UGT1A7: variants seen among roughly 807,000 people sequenced by gnomAD.
UGT1A7 encodes the protein UDP-glucuronosyltransferase 1A7.
UGT1A7 carries 33 observed loss-of-function variants against 45.6 expected under a neutral mutation model. That is an observed-to-expected ratio of 0.72 (90% confidence interval 0.55 to 0.97). UGT1A7 has a LOEUF of 0.97. UGT1A7 is among the 50% of genes least tolerant of loss of function. The probability of loss-of-function intolerance (pLI) is 0.00; values close to 1 mark genes in which losing one functional copy is unlikely to be tolerated. For synonymous variants in UGT1A7, 274 were observed against 250.6 expected, an observed-to-expected ratio of 1.09 and a Z score of -0.88; for missense variants, 684 against 666.2, an observed-to-expected ratio of 1.03 and a Z score of -0.29.
Position 233,767,908 on chromosome 2 carries a change from T to G in UGT1A7, c.1047T>G (p.Val349=). 6.2e-7 allele frequency: 1 copy of G among 1,614,222 alleles called. No homozygotes were observed. The highest frequency in any genetic ancestry group is 8.5e-7 in the Non-Finnish European group (1 of 1,180,050). ...PSNLANNTIL[V]KWLPQNDLLG... is the part of the protein sequence containing the mutation. ...ATCTTGCGAACAACACGATACTTGTTAAGTGGCTACCCCAAAACGATCTGC... is the reference window on the plus strand; with the variant it reads ...ATCTTGCGAACAACACGATACTTGTGAAGTGGCTACCCCAAAACGATCTGC... The change falls in exon 3 of 5, where the codon GTT becomes GTG. Residue 349 remains valine (V), a synonymous_variant. Transcript: ENST00000373426.
chr2:233,689,372 G>A (rs2074939613), intron 1 of UGT1A7, among the ~76,000 whole-genome samples: 1 of 152,256 alleles, frequency 6.6e-6, no homozygotes, highest in Non-Finnish European at 1.5e-5. Context: ...AGGGCACAAA[G>A]CAAGGAGTGT....
intron 1 of UGT1A7, among the ~76,000 whole-genome samples, chr2:233,739,223 T>C (rs1465216859): frequency 3.3e-5 from 5 of 152,316 alleles, no homozygotes; most frequent in African/African-American, 4.8e-5. Context: ...AGAGTCCTTA[T>C]AGAGAACCTC....
chr2:233,695,126 T>TTTTG (rs1559347637), intron 1 of UGT1A7, among the ~76,000 whole-genome samples: 1 of 107,354 alleles, frequency 9.3e-6, no homozygotes, highest in Non-Finnish European at 1.9e-5. Flanking sequence ...AACCCTTTTC[T>TTTTG]TTTCTTTTTT....
intron 1 of UGT1A7, among the ~76,000 whole-genome samples, chr2:233,757,931 A>G (rs552433381): frequency 6.6e-6 from 1 of 152,244 alleles, no homozygotes; most frequent in East Asian, 1.9e-4. Flanking sequence ...CCCCCAAAGC[A>G]AGACCATCAT....
intron 1 of UGT1A7, chr2:233,761,099 A>G: frequency 5.0e-6 from 8 of 1,614,170 alleles, no homozygotes; most frequent in African/African-American, 1.3e-5. Context: ...ATCATGCCCA[A>G]TATGGTTTTT....
At position 233,713,972 on chromosome 2, in the gene UGT1A7, C is replaced by T. The variant is rs191784973; in HGVS notation, c.855+31180C>T. On this transcript the variant is annotated intron_variant, in intron 1 of 4. Transcript: ENST00000373426. ...TATCTTTCCAAAGATTTCATTTCTG[C>T]TTCTCATTGTTGTAATAGTCTTCAG... 1.3e-3 allele frequency: 2,084 copies of T among 1,599,986 alleles called. 2 individuals carry two copies. Among genetic ancestry groups the T allele is most frequent in the Non-Finnish European group, 1.6e-3 (1,935 of 1,173,724 alleles).
intron 1 of UGT1A7, among the ~76,000 whole-genome samples, chr2:233,750,204 T>G: frequency 6.6e-6 from 1 of 151,878 alleles, no homozygotes; most frequent in East Asian, 1.9e-4. Context: ...AAGTCCAGGC[T>G]GAGTCTCAGA....
At chr2:233,702,598 G>A (rs546581826) in intron 1 of UGT1A7, among the ~76,000 whole-genome samples, 2 of 152,156 alleles carry the variant, frequency 1.3e-5, no homozygotes, top group South Asian at 4.1e-4. Context: ...GAGATTTTTT[G>A]AGTAGATGCC....
chr2:233,721,861 C>G, intron 1 of UGT1A7: 1 of 507,540 alleles, frequency 2.0e-6, no homozygotes, highest in South Asian at 1.4e-5. Context: ...CTGCTCGGCC[C>G]TGGGCACACT....
intron 4 of UGT1A7, 68 bp from the exon 5 acceptor site, chr2:233,772,194 T>G (rs921300076): frequency 1.9e-6 from 3 of 1,602,000 alleles, no homozygotes; most frequent in African/African-American, 2.7e-5. Context: ...TAAGCAGCCA[T>G]GAGCATAAAG....
At position 233,734,224 on chromosome 2, in the gene UGT1A7, G is replaced by T. The variant is rs1427177623; in HGVS notation, c.856-32810G>T. ...AGAGCCTGTTGTTGGTCTATTCAGAGATTCAACTTCTTCCTGCTTTAGTCT... is the reference window on the plus strand; with the variant it reads ...AGAGCCTGTTGTTGGTCTATTCAGATATTCAACTTCTTCCTGCTTTAGTCT... On this transcript the variant is annotated intron_variant, in intron 1 of 4. Coordinates refer to ENST00000373426, the MANE Select transcript of UGT1A7 (RefSeq NM_019077.3). 2.6e-5 allele frequency among the ~76,000 whole-genome samples: 4 copies of T among 152,156 alleles called. No individual in the cohort carries two copies. The East Asian group carries it at 5.8e-4, about 22-fold the overall frequency.
rs1559415650 is a variant in UGT1A7, at chr2:233,768,355, A to G, written c.1211A>G (p.Lys404Arg). ...GACAATGCAAAGCGCATGGAGACTA[A>G]GGGAGCTGGAGTGACCCTGAATGTT... is the stretch of plus-strand genomic sequence containing the variant. The part of the protein sequence containing the change: ...QMDNAKRMET[K>R]GAGVTLNVLE... The change falls in exon 4 of 5, where the codon AAG becomes AGG. Residue 404 changes from lysine to arginine, a missense_variant. Coordinates refer to ENST00000373426, the MANE Select transcript of UGT1A7 (RefSeq NM_019077.3). The G allele has an allele frequency of 6.2e-7, 1 of 1,614,200 alleles. No individual in the cohort carries two copies. The highest frequency in any genetic ancestry group is 1.1e-5 in the South Asian group (1 of 91,084).
At chr2:233,746,807 G>C (rs1340541444) in intron 1 of UGT1A7, among the ~76,000 whole-genome samples, 4 of 151,778 alleles carry the variant, frequency 2.6e-5, no homozygotes, top group Admixed American at 2.0e-4. Flanking sequence ...CGTGAATGTG[G>C]ATTGCCTACT....
chr2:233,713,012 T>A lies in UGT1A7; in HGVS notation c.855+30220T>A, dbSNP rs748010470. The A allele has an allele frequency of 6.2e-6, 10 of 1,613,498 alleles. No individual in the cohort carries two copies. In the Admixed American group the frequency reaches 1.5e-4, roughly 24 times the overall value. ...CTGAGATGGCCACAGGACTCCAGGT[T>A]CCCCTGCCGCAGCTGGCCACAGGAC... On this transcript the variant is annotated intron_variant, in intron 1 of 4. Transcript: ENST00000373426.
chr2:233,747,645 T>G, intron 1 of UGT1A7: 1 of 1,586,272 alleles, frequency 6.3e-7, no homozygotes, highest in Non-Finnish European at 8.7e-7. Context: ...GAATGCTACT[T>G]CCTTCGATGT....
intron 1 of UGT1A7, among the ~76,000 whole-genome samples, chr2:233,697,329 T>C (rs545927444): frequency 6.6e-6 from 1 of 152,134 alleles, no homozygotes; most frequent in Non-Finnish European, 1.5e-5. Flanking sequence ...TTTGGAAATG[T>C]ATCCATTTCC....
At position 233,724,792 on chromosome 2, in the gene UGT1A7, G is replaced by C. The variant is rs992945436; in HGVS notation, c.855+42000G>C. ...CAGAGACACTCCTCACTTCCCAGAC[G>C]GGGTGGCGGCCGGGCAGAGGCTGCA... On this transcript the variant is annotated intron_variant, in intron 1 of 4. Coordinates refer to ENST00000373426, the MANE Select transcript of UGT1A7 (RefSeq NM_019077.3). Among the ~76,000 whole-genome samples, 142 of 140,766 alleles carry C rather than the reference G, an allele frequency of 1.0e-3. 5 individuals are homozygous for C. Among genetic ancestry groups the C allele is most frequent in the African/African-American group, 3.7e-3 (136 of 36,304 alleles). 92.3% of individuals were successfully genotyped at this position (140,766 alleles called of 152,430 possible).
At chr2:233,737,218 C>T (rs1437644428) in intron 1 of UGT1A7, among the ~76,000 whole-genome samples, 1 of 152,212 alleles carries the variant, frequency 6.6e-6, no homozygotes, top group African/African-American at 2.4e-5. Context: ...CTGTTCAGTT[C>T]CAGCTTCCTG....
chr2:233,707,274 T>C (rs2075953274), intron 1 of UGT1A7, among the ~76,000 whole-genome samples: 3 of 152,166 alleles, frequency 2.0e-5, no homozygotes, highest in Admixed American at 2.0e-4. Flanking sequence ...TTATTTTAAG[T>C]TCCAGGGCAC....
Sources: allele counts gnomAD v4.1 joint callset (sites outside exome capture counted in the v4.1 genomes callset), GRCh38; gene constraint gnomAD v4.1.1; transcripts MANE v1.5; gene names NCBI Gene and HGNC (gene_info 2026-07-23, HGNC 2026-07-21).